Variants in PARP15 observed in about 807,000 individuals in gnomAD.
PARP15 encodes the protein protein mono-ADP-ribosyltransferase PARP15.
In PARP15, 50 loss-of-function variants were observed where a neutral mutation model predicts 62.1. That is an observed-to-expected ratio of 0.81 (90% CI 0.64 to 1.02). The LOEUF (loss-of-function observed/expected upper bound fraction) is 1.02. PARP15 is among the 50% of genes least tolerant of loss of function. The pLI is 0.00. For synonymous variants in PARP15, 309 were observed against 293.1 expected, an observed-to-expected ratio of 1.05 and a Z score of -0.55; for missense variants, 820 against 826.5, an observed-to-expected ratio of 0.99 and a Z score of 0.10.
intron 1 of PARP15, among the ~76,000 whole-genome samples, chr3:122,584,451 TAC>T (rs1933239620): frequency 6.6e-6 from 1 of 152,190 alleles, no homozygotes; most frequent in Non-Finnish European, 1.5e-5. Context: ...ATAGTTACCA[TAC>T]TTACCTTGTT....
At chr3:122,583,041 C>T (rs1307585664) in intron 1 of PARP15, among the ~76,000 whole-genome samples, 3 of 150,672 alleles carry the variant, frequency 2.0e-5, no homozygotes, top group Non-Finnish European at 4.4e-5. Context: ...TTTTCCTCTA[C>T]CTTCTTGGAA....
In PARP15 at chr3:122,635,915, G is replaced by A. The variant is rs750602772; in HGVS notation, c.1852G>A (p.Val618Met). Residue 618 changes from valine (V) to methionine (M), a missense_variant, in exon 12 of 12, where the codon GTG (valine) becomes ATG (methionine). Transcript: ENST00000464300. ...CAATGGGAGAAAGCACATGTACGTTGTGCGAGTACTTACTGGAGTCTTCAC... is the reference window on the plus strand; with the variant it reads ...CAATGGGAGAAAGCACATGTACGTTATGCGAGTACTTACTGGAGTCTTCAC... Reference protein sequence around the residue: ...DSNGRKHMYVVRVLTGVFTKG... With the variant: ...DSNGRKHMYVMRVLTGVFTKG... 9 of 1,614,020 alleles carry A rather than the reference G, an allele frequency of 5.6e-6. No homozygotes were observed. The highest frequency in any genetic ancestry group is 1.6e-4 in the Middle Eastern group (1 of 6,084).
chr3:122,617,839 A>G (rs1307356661), intron 6 of PARP15, among the ~76,000 whole-genome samples: 1 of 152,110 alleles, frequency 6.6e-6, no homozygotes, highest in Admixed American at 6.5e-5. Flanking sequence ...AGTGATTCTC[A>G]TGCCTTAGCC....
rs746475804 is a variant in PARP15 at position 122,627,005 on chromosome 3, C to T, written c.1410C>T (p.Asn470=). The stretch of plus-strand genomic sequence containing the variant: ...AAAGAGACCTCTCTGCATCACTGAA[C>T]TTTCAGTCCACATTCTCCATGACTA... The part of the protein sequence containing the change: ...MKKRDLSASL[N]FQSTFSMTTC... The change falls in exon 9 of 12, where the codon AAC becomes AAT. Residue 470 remains asparagine (N), a synonymous_variant. Transcript: ENST00000464300. The T allele has an allele frequency of 1.9e-6, 3 of 1,613,294 alleles. No individual in the cohort carries two copies. Among genetic ancestry groups the T allele is most frequent in the South Asian group, 1.1e-5 (1 of 90,888 alleles).
rs977110994 is a variant in PARP15, at chr3:122,615,493, C to A, written c.772-286C>A. 8 of 1,197,494 alleles carry A rather than the reference C, an allele frequency of 6.7e-6. No homozygotes were observed. In the South Asian group the frequency reaches 9.7e-5, roughly 14 times the overall value. The allele number at this position is 1,197,494 out of a possible 1,614,324, so 74.2% of individuals were successfully genotyped here. On this transcript the variant is annotated intron_variant, in intron 4 of 11. Transcript: ENST00000464300. ...AAAGAGGAGGGATAACGATAGTGGT[C>A]ACAAAAAAGGCATGTGACTTCCTGC... is the stretch of plus-strand genomic sequence containing the variant.
At chr3:122,617,596 A>G (rs1175971422) in intron 6 of PARP15, among the ~76,000 whole-genome samples, 3 of 152,214 alleles carry the variant, frequency 2.0e-5, no homozygotes, top group African/African-American at 4.8e-5. Flanking sequence ...TCTCTGCATT[A>G]CACTGACCGA....
intron 9 of PARP15, among the ~76,000 whole-genome samples, chr3:122,628,473 A>G (rs1230626595): frequency 6.6e-6 from 1 of 152,160 alleles, no homozygotes; most frequent in African/African-American, 2.4e-5. Context: ...TATATAAACT[A>G]ACATTTTTTC....
At chr3:122,635,274 C>T in intron 11 of PARP15, 80 bp downstream of exon 11, 1 of 1,298,536 alleles carries the variant, frequency 7.7e-7, no homozygotes, top group Non-Finnish European at 1.1e-6. Context: ...AGTGTGGAAC[C>T]ATGGTGGGCA....
intron 1 of PARP15, among the ~76,000 whole-genome samples, chr3:122,599,040 T>G (rs9818070): frequency 6.6e-6 from 1 of 152,102 alleles, no homozygotes; most frequent in South Asian, 2.1e-4. Context: ...GGACTTCAGG[T>G]GTGCGCCACC....
intron 3 of PARP15, among the ~76,000 whole-genome samples, chr3:122,612,457 G>A (rs1168441138): frequency 4.0e-5 from 6 of 151,378 alleles, no homozygotes; most frequent in African/African-American, 1.5e-4. Context: ...TTGAGACGGA[G>A]TCTTGCTCTG....
Position 122,636,072 on chromosome 3 carries a change from C to G in PARP15, c.2009C>G (p.Pro670Arg). 1 of 1,612,190 alleles carries G rather than the reference C, an allele frequency of 6.2e-7. No individual in the cohort carries two copies. Among genetic ancestry groups the G allele is most frequent in the South Asian group, 1.1e-5 (1 of 91,020 alleles). The stretch of plus-strand genomic sequence containing the variant: ...GTATTCTTTGATAATCAGGCTTACC[C>G]AGAATATCTCATAACTTTCACGGCT... ...FVVFFDNQAY[P>R]EYLITFTA The change falls in exon 12 of 12, where the codon CCA becomes CGA. Residue 670 changes from proline (P) to arginine (R), a missense_variant. This residue lies in a region of PARP15 where 84 missense variants were observed against 79.7 expected (regional missense o/e 1.05). Coordinates refer to ENST00000464300, the MANE Select transcript of PARP15 (RefSeq NM_001113523.3).
chr3:122,582,186 T>G (rs1353880703), intron 1 of PARP15, among the ~76,000 whole-genome samples: 1 of 152,026 alleles, frequency 6.6e-6, no homozygotes, highest in Non-Finnish European at 1.5e-5. Flanking sequence ...TCCTTTTTTT[T>G]TTTGAAACAA....
At chr3:122,589,271 C>G (rs577262017) in intron 1 of PARP15, among the ~76,000 whole-genome samples, 2 of 152,294 alleles carry the variant, frequency 1.3e-5, no homozygotes, top group African/African-American at 4.8e-5. Context: ...TGGGGTCCAC[C>G]CTCATGACCT....
chr3:122,616,455 G>A (rs1371616674), intron 5 of PARP15, among the ~76,000 whole-genome samples: 4 of 150,576 alleles, frequency 2.7e-5, no homozygotes, highest in South Asian at 4.3e-4. Context: ...TCAGTCTCCC[G>A]AGTAGCTGGG....
chr3:122,634,478 G>A (rs1308225968), intron 10 of PARP15, among the ~76,000 whole-genome samples: 4 of 152,192 alleles, frequency 2.6e-5, no homozygotes, highest in African/African-American at 9.7e-5. Context: ...GAAGAGCAGA[G>A]TTTTAAGAAG....
intron 1 of PARP15, among the ~76,000 whole-genome samples, chr3:122,590,639 T>A (rs1474808338): frequency 7.5e-6 from 1 of 134,186 alleles, no homozygotes; most frequent in Non-Finnish European, 1.6e-5. Context: ...TTTATTTTGA[T>A]TTTTACTACT....
intron 1 of PARP15, among the ~76,000 whole-genome samples, chr3:122,591,989 G>T (rs12494186): frequency 0.78 from 118,619 of 152,042 alleles, 46,509 homozygotes; most frequent in East Asian, 0.9. Flanking sequence ...TACACTGTTG[G>T]TGGGAATGTA....
chr3:122,583,773 G>A (rs912657059), intron 1 of PARP15, among the ~76,000 whole-genome samples: 1 of 152,118 alleles, frequency 6.6e-6, no homozygotes, highest in African/African-American at 2.4e-5. Flanking sequence ...TTTTTCTACT[G>A]TGGCTATTGA....
chr3:122,625,958 C>A (rs986319939), intron 8 of PARP15, among the ~76,000 whole-genome samples: 4 of 152,202 alleles, frequency 2.6e-5, no homozygotes, highest in East Asian at 1.9e-4. Context: ...AGCTAAAGAT[C>A]ACCAGGAACA....
Sources: allele counts gnomAD v4.1 joint callset (sites outside exome capture counted in the v4.1 genomes callset), GRCh38; gene constraint gnomAD v4.1.1; regional missense constraint gnomAD v4.1.1; transcripts MANE v1.5; gene names NCBI Gene and HGNC (gene_info 2026-07-23, HGNC 2026-07-21).